NPSR1: variants seen among roughly 807,000 people sequenced by gnomAD.
The protein encoded by NPSR1 is neuropeptide S receptor.
In NPSR1, 48 loss-of-function variants were observed where a neutral mutation model predicts 46.9. That is an observed-to-expected ratio of 1.02 (90% CI 0.81 to 1.30). The LOEUF is 1.30. Ranked by LOEUF, NPSR1 falls within the 50% of genes most tolerant of loss-of-function variation. NPSR1 has a pLI of 0.00. For synonymous variants in NPSR1, 176 were observed against 168.1 expected, an observed-to-expected ratio of 1.05 and a Z score of -0.36; for missense variants, 450 against 449.5, an observed-to-expected ratio of 1.00 and a Z score of -0.01.
intron 3 of NPSR1, among the ~76,000 whole-genome samples, chr7:34,793,712 C>G (rs1788043021): frequency 6.6e-6 from 1 of 152,154 alleles, no homozygotes; most frequent in Non-Finnish European, 1.5e-5. Flanking sequence ...AGCAATCCCA[C>G]TAATGGGTAT....
At chr7:34,695,017 T>C (rs1793447929) in intron 2 of NPSR1, among the ~76,000 whole-genome samples, 1 of 152,116 alleles carries the variant, frequency 6.6e-6, no homozygotes, top group Non-Finnish European at 1.5e-5. Flanking sequence ...ATAGCCAAAG[T>C]AATTCTAAGC....
intron 8 of NPSR1, among the ~76,000 whole-genome samples, chr7:34,871,266 C>G (rs753463680): frequency 1.8e-4 from 27 of 151,316 alleles, no homozygotes; most frequent in Non-Finnish European, 7.4e-5. Context: ...CTTAAACAAC[C>G]AGATGTCATG....
chr7:34,818,670 A>C (rs1170496405), intron 4 of NPSR1, among the ~76,000 whole-genome samples: 1 of 152,236 alleles, frequency 6.6e-6, no homozygotes, highest in Non-Finnish European at 1.5e-5. Context: ...TTCAAACTGT[A>C]GTACAAGGCC....
At chr7:34,871,959 G>A (rs1422933392) in intron 8 of NPSR1, among the ~76,000 whole-genome samples, 1 of 151,792 alleles carries the variant, frequency 6.6e-6, no homozygotes, top group Non-Finnish European at 1.5e-5. Context: ...CCTTCCCATA[G>A]CTCCACTAGG....
intron 5 of NPSR1, among the ~76,000 whole-genome samples, chr7:34,830,176 C>T (rs2128757646): frequency 6.6e-6 from 1 of 152,352 alleles, no homozygotes; most frequent in Non-Finnish European, 1.5e-5. Context: ...AGGTTCAACT[C>T]TTATTCTGTC....
chr7:34,838,337 T>G (rs1457699908), intron 6 of NPSR1, among the ~76,000 whole-genome samples: 1 of 152,224 alleles, frequency 6.6e-6, no homozygotes, highest in Non-Finnish European at 1.5e-5. Context: ...CACTTTTTAT[T>G]CTTTAATATA....
intron 2 of NPSR1, among the ~76,000 whole-genome samples, chr7:34,734,598 T>G (rs984869684): frequency 5.9e-5 from 9 of 152,286 alleles, no homozygotes; most frequent in Admixed American, 3.3e-4. Context: ...ACTCCAAAAA[T>G]AATCTTTTCT....
chr7:34,799,221 C>T (rs573846437), intron 3 of NPSR1, among the ~76,000 whole-genome samples: 24 of 151,760 alleles, frequency 1.6e-4, no homozygotes, highest in African/African-American at 4.1e-4. Flanking sequence ...TACATAAACA[C>T]GTTATACAGC....
At chr7:34,781,437 T>C (rs944673225) in intron 3 of NPSR1, among the ~76,000 whole-genome samples, 1 of 152,036 alleles carries the variant, frequency 6.6e-6, no homozygotes, top group Non-Finnish European at 1.5e-5. Flanking sequence ...AATAACCACA[T>C]AGAAAGAATT....
At chr7:34,664,622 A>ATTTTTTT (rs1352113340) in intron 1 of NPSR1, among the ~76,000 whole-genome samples, 4 of 143,742 alleles carry the variant, frequency 2.8e-5, no homozygotes, top group African/African-American at 1.1e-4. Context: ...TTTTTAAAAA[A>ATTTTTTT]AAAAAATGAG....
chr7:34,700,814 G>A (rs1562661846), intron 2 of NPSR1, among the ~76,000 whole-genome samples: 1 of 152,296 alleles, frequency 6.6e-6, no homozygotes, highest in South Asian at 2.1e-4. Flanking sequence ...ACCTCTTGGA[G>A]TTGTGGTGAG....
intron 8 of NPSR1, among the ~76,000 whole-genome samples, chr7:34,875,643 G>A (rs535548565): frequency 3.3e-3 from 508 of 152,332 alleles, no homozygotes; most frequent in African/African-American, 0.011. Flanking sequence ...GCTGTGCGGA[G>A]TCATGCTTTT....
intron 3 of NPSR1, among the ~76,000 whole-genome samples, chr7:34,790,322 C>A (rs1787670349): frequency 6.6e-6 from 1 of 151,962 alleles, no homozygotes; most frequent in South Asian, 2.1e-4. Context: ...AATTCAATAT[C>A]TTTTTGTAGT....
intron 3 of NPSR1, among the ~76,000 whole-genome samples, chr7:34,790,809 T>TTA (rs201052201): frequency 0.23 from 24,199 of 107,064 alleles, 4,142 homozygotes; most frequent in African/African-American, 0.29. Context: ...AGGTTATATG[T>TTA]TATATATGTT....
chr7:34,749,366 G>A (rs1192492099), intron 2 of NPSR1, among the ~76,000 whole-genome samples: 1 of 152,156 alleles, frequency 6.6e-6, no homozygotes, highest in Non-Finnish European at 1.5e-5. Flanking sequence ...AAGGGAAGGG[G>A]GTAGAAAGGG....
intron 1 of NPSR1, among the ~76,000 whole-genome samples, chr7:34,665,808 GCATA>G (rs1244738773): frequency 6.6e-6 from 1 of 151,146 alleles, no homozygotes; most frequent in Non-Finnish European, 1.5e-5. Context: ...ACACACACAC[GCATA>G]CACACACACC....
At chr7:34,746,843 C>T (rs1464082524) in intron 2 of NPSR1, among the ~76,000 whole-genome samples, 1 of 152,088 alleles carries the variant, frequency 6.6e-6, no homozygotes, top group South Asian at 2.1e-4. Context: ...GGAGGCATTT[C>T]TGGCTGGGTG....
intron 2 of NPSR1, among the ~76,000 whole-genome samples, chr7:34,708,026 A>G (rs996196846): frequency 2.6e-5 from 4 of 152,070 alleles, no homozygotes; most frequent in Admixed American, 6.6e-5. Context: ...GGACACCACC[A>G]GTTATACTGG....
chr7:34,855,974 A>T (rs1015789404), intron 8 of NPSR1, among the ~76,000 whole-genome samples: 7 of 152,180 alleles, frequency 4.6e-5, no homozygotes, highest in Non-Finnish European at 8.8e-5. Context: ...ATTATAAGAT[A>T]TTCACAAACT....
Sources: gnomAD v4.1 joint callset for allele counts (sites outside exome capture counted in the v4.1 genomes callset) on GRCh38, gnomAD v4.1.1 for gene constraint, MANE v1.5 for transcripts, NCBI Gene and HGNC (gene_info 2026-07-23, HGNC 2026-07-21) for gene names.